Variants in CPNE5 observed in about 807,000 individuals in gnomAD.
The protein encoded by CPNE5 is copine 5.
In CPNE5, 42 loss-of-function variants were observed where a neutral mutation model predicts 81.1. The ratio of observed to expected loss-of-function variants is 0.52; its 90% CI spans 0.40 to 0.67. The LOEUF (loss-of-function observed/expected upper bound fraction) is 0.67. Ranked by LOEUF, CPNE5 falls within the 30% of genes least tolerant of loss-of-function variation. CPNE5 has a pLI of 0.00. For synonymous variants in CPNE5, 313 were observed against 321.5 expected (o/e 0.97, Z 0.28); for missense variants, 612 against 815.5 (o/e 0.75, Z 3.04).
At chr6:36,806,582 T>C (rs1006264194) in intron 3 of CPNE5, among the ~76,000 whole-genome samples, 1 of 152,196 alleles carries the variant, frequency 6.6e-6, no homozygotes, top group South Asian at 2.1e-4. Flanking sequence ...ATCCATACCT[T>C]TGAGAGAAAT....
At chr6:36,783,201 C>T (rs192870522) in intron 8 of CPNE5, among the ~76,000 whole-genome samples, 3 of 152,128 alleles carry the variant, frequency 2.0e-5, no homozygotes. Flanking sequence ...AGGGGAACAA[C>T]ACACACTGGG....
chr6:36,765,704 T>C (rs1033323067), intron 10 of CPNE5, among the ~76,000 whole-genome samples: 4 of 152,122 alleles, frequency 2.6e-5, no homozygotes, highest in Admixed American at 2.6e-4. Context: ...AGCTGCACTG[T>C]GGATTTACCA....
At chr6:36,834,032 C>T (rs977096136) in intron 1 of CPNE5, among the ~76,000 whole-genome samples, 8 of 151,722 alleles carry the variant, frequency 5.3e-5, no homozygotes, top group Non-Finnish European at 1.0e-4. Context: ...ATCAGCCAAT[C>T]AGCCTGGGCA....
At chr6:36,791,434 A>C (rs1769082366) in intron 8 of CPNE5, among the ~76,000 whole-genome samples, 1 of 152,178 alleles carries the variant, frequency 6.6e-6, no homozygotes, top group Admixed American at 6.5e-5. Context: ...ATACTTTATC[A>C]TTATTATTAA....
intron 14 of CPNE5, among the ~76,000 whole-genome samples, chr6:36,748,597 G>C (rs529449188): frequency 1.8e-4 from 28 of 152,192 alleles, no homozygotes; most frequent in African/African-American, 6.7e-4. Flanking sequence ...GTGAGGTTGG[G>C]TCTCATTGGA....
chr6:36,825,090 GAA>G (rs923958238), intron 1 of CPNE5, among the ~76,000 whole-genome samples: 4 of 152,202 alleles, frequency 2.6e-5, no homozygotes, highest in African/African-American at 4.8e-5. Context: ...GGTAGAGACA[GAA>G]AAGTCTAGAA....
chr6:36,820,335 C>CTTTTTT lies in CPNE5; in HGVS notation c.183+1773_183+1778dup, dbSNP rs1163633243. 3.1e-3 allele frequency among the ~76,000 whole-genome samples: 282 copies of CTTTTTT among 92,392 alleles called. 2 individuals carry two copies. Among genetic ancestry groups the CTTTTTT allele is most frequent in the Admixed American group, 3.7e-3 (26 of 7,032 alleles). 60.6% of individuals were successfully genotyped at this position (92,392 alleles called of 152,430 possible). A position where few individuals can be genotyped will look rare whatever the true frequency, so the allele number is the denominator to read the frequency against. ...GCCCAGCTTCCTTTCCTAATCCATT[C>CTTTTTT]TTTTTTTTTTTTTTTTTTTTTTTTG... is the stretch of plus-strand genomic sequence containing the variant. On this transcript the variant is annotated intron_variant, in intron 3 of 20. Coordinates refer to ENST00000244751, the MANE Select transcript of CPNE5 (RefSeq NM_020939.2).
At chr6:36,759,676 C>A (rs1231855045) in intron 12 of CPNE5, among the ~76,000 whole-genome samples, 1 of 152,088 alleles carries the variant, frequency 6.6e-6, no homozygotes, top group Non-Finnish European at 1.5e-5. Context: ...GTGGACACAA[C>A]TTCCTGGAGG....
At chr6:36,772,220 C>T (rs527304621) in intron 10 of CPNE5, among the ~76,000 whole-genome samples, 2 of 152,294 alleles carry the variant, frequency 1.3e-5, no homozygotes, top group South Asian at 4.1e-4. Flanking sequence ...TCCCATCCCC[C>T]TACCTTGAAT....
chr6:36,782,424 G>T (rs1768108647), intron 8 of CPNE5, among the ~76,000 whole-genome samples: 1 of 152,168 alleles, frequency 6.6e-6, no homozygotes, highest in African/African-American at 2.4e-5. Context: ...TAGAAAAAAT[G>T]AAAGAACTTG....
chr6:36,783,290 G>A (rs999652641), intron 8 of CPNE5, among the ~76,000 whole-genome samples: 1 of 151,242 alleles, frequency 6.6e-6, no homozygotes. Flanking sequence ...AATACCTGGG[G>A]GTGAAATAAT....
chr6:36,811,998 G>A (rs1771148096), intron 3 of CPNE5, among the ~76,000 whole-genome samples: 1 of 152,164 alleles, frequency 6.6e-6, no homozygotes, highest in Non-Finnish European at 1.5e-5. Flanking sequence ...TAGTTACTCG[G>A]GAGGCTGAGG....
intron 10 of CPNE5, among the ~76,000 whole-genome samples, chr6:36,771,493 A>C (rs890275570): frequency 5.9e-5 from 9 of 152,218 alleles, no homozygotes; most frequent in African/African-American, 2.2e-4. Context: ...TACATAAAGC[A>C]CTTAGAGCAG....
intron 10 of CPNE5, among the ~76,000 whole-genome samples, chr6:36,768,225 C>CTTTTTTTCTTTTTTTCTTTT (rs527797208): frequency 1.7e-5 from 1 of 60,496 alleles, no homozygotes. Context: ...ATTCACAGTT[C>CTTTTTTTCTTTTTTTCTTTT]TTTTTTTTTT....
intron 4 of CPNE5, among the ~76,000 whole-genome samples, chr6:36,799,036 G>A (rs911669598): frequency 1.4e-4 from 21 of 152,126 alleles, no homozygotes; most frequent in African/African-American, 3.4e-4. Context: ...TGCAGGCAGC[G>A]TGATGCTACA....
At chr6:36,768,377 G>A (rs1371058710) in intron 10 of CPNE5, among the ~76,000 whole-genome samples, 3 of 151,876 alleles carry the variant, frequency 2.0e-5, no homozygotes, top group East Asian at 1.9e-4. Context: ...GATTACAGGC[G>A]CATGCCATCA....
At chr6:36,775,523 A>G (rs1222388932) in intron 9 of CPNE5, among the ~76,000 whole-genome samples, 2 of 152,202 alleles carry the variant, frequency 1.3e-5, no homozygotes, top group African/African-American at 2.4e-5. Flanking sequence ...AATTAGATGT[A>G]TGGGTCATTT....
At chr6:36,777,527 C>A (rs1767619289) in intron 9 of CPNE5, among the ~76,000 whole-genome samples, 1 of 152,102 alleles carries the variant, frequency 6.6e-6, no homozygotes, top group Non-Finnish European at 1.5e-5. Flanking sequence ...TGTGTGGACG[C>A]CCGGAACAAT....
rs564185716 is a variant in CPNE5 at position 36,742,495 on chromosome 6, T to G, written c.1564-9A>C. ...TCCCGGAAGGGTACAAACTGGCAAGTGGGAGGGCAGGGTCAGGCAGTGCCT... is the reference window on the plus strand; with the variant it reads ...TCCCGGAAGGGTACAAACTGGCAAGGGGGAGGGCAGGGTCAGGCAGTGCCT... On this transcript the variant is annotated splice_polypyrimidine_tract_variant and intron_variant, in intron 20 of 20. Coordinates refer to ENST00000244751, the MANE Select transcript of CPNE5 (RefSeq NM_020939.2). The G allele has an allele frequency of 1.2e-6, 2 of 1,607,112 alleles. No individual in the cohort carries two copies. The highest frequency in any genetic ancestry group is 1.7e-6 in the Non-Finnish European group (2 of 1,177,482).
Sources: gnomAD v4.1 joint callset for allele counts (sites outside exome capture counted in the v4.1 genomes callset) on GRCh38, gnomAD v4.1.1 for gene constraint, MANE v1.5 for transcripts, NCBI Gene and HGNC (gene_info 2026-07-23, HGNC 2026-07-21) for gene names.